Variants in ELAC2 observed in about 807,000 individuals in gnomAD.
The protein encoded by ELAC2 is elaC ribonuclease Z 2.
In ELAC2, 92 loss-of-function variants were observed where a neutral mutation model predicts 105.2. The ratio of observed to expected loss-of-function variants is 0.87; its 90% CI spans 0.74 to 1.04. The LOEUF (loss-of-function observed/expected upper bound fraction) is 1.04. ELAC2 is among the 50% of genes least tolerant of loss of function. The probability of loss-of-function intolerance (pLI) is 0.00; values close to 1 mark genes in which losing one functional copy is unlikely to be tolerated. For synonymous variants in ELAC2, 468 were observed against 409.1 expected (o/e 1.14, Z -1.74); for missense variants, 1,099 against 1,071.7 (o/e 1.03, Z -0.36).
At position 12,995,972 on chromosome 17, in the gene ELAC2, G is replaced by C. The variant is rs2040449069; in HGVS notation, c.1666C>G (p.Pro556Ala). ...CGTTCTCTCTGCAGCAAGATACTTG[G>C]CAAGCCCTGGCAAGGAAACAGGAGA... ...HLHADHHTGL[P>A]SILLQRERAL... The change falls in exon 18 of 24, where the codon CCA becomes GCA. Residue 556 changes from proline (P) to alanine (A), a missense_variant. By Grantham distance (27) the Pro-to-Ala change is conservative. Transcript: ENST00000338034. 6 of 1,594,374 alleles carry C rather than the reference G, an allele frequency of 3.8e-6. No individual in the cohort carries two copies. The highest frequency in any genetic ancestry group is 5.1e-6 in the Non-Finnish European group (6 of 1,169,018).
At chr17:13,000,062 G>A in intron 15 of ELAC2, 94 bp downstream of exon 15, 1 of 1,153,598 alleles carries the variant, frequency 8.7e-7, no homozygotes, top group Non-Finnish European at 1.3e-6. Flanking sequence ...AGCCAGGTTA[G>A]AATGCGCCCC....
chr17:13,000,352 A>G, intron 14 of ELAC2, 78 bp from the exon 15 acceptor site: 1 of 1,315,628 alleles, frequency 7.6e-7, no homozygotes, highest in South Asian at 1.2e-5. Flanking sequence ...GATGTCCAGA[A>G]TAAATTCAGG....
intron 11 of ELAC2, 89 bp from the exon 12 acceptor site, chr17:13,003,663 G>T: frequency 8.7e-7 from 1 of 1,143,850 alleles, no homozygotes; most frequent in Non-Finnish European, 1.3e-6. Flanking sequence ...GTATCGTGCG[G>T]CCCTCTGCAG....
intron 14 of ELAC2, 150 bp from the exon 15 acceptor site, chr17:13,000,424 G>A: frequency 1.3e-6 from 1 of 765,010 alleles, no homozygotes; most frequent in South Asian, 1.5e-5. Context: ...AGGATCTGGG[G>A]CAGGTCTGCT....
intron 23 of ELAC2, 74 bp from the exon 24 acceptor site, chr17:12,993,119 A>G: frequency 1.4e-6 from 2 of 1,456,392 alleles, no homozygotes; most frequent in Non-Finnish European, 1.9e-6. Flanking sequence ...GAAGGGATGC[A>G]GTCATGTGCT....
intron 11 of ELAC2, chr17:13,004,103 T>G (rs1317697353): frequency 5.8e-6 from 1 of 173,368 alleles, no homozygotes; most frequent in East Asian, 1.6e-4. Flanking sequence ...TCCAGTTCCC[T>G]TTAAAAAGAA....
chr17:13,001,675 G>A (rs73981616), intron 14 of ELAC2, among the ~76,000 whole-genome samples: 27,475 of 151,962 alleles, frequency 0.18, 2,530 homozygotes, highest in African/African-American at 0.2. Context: ...ATTTAGGAAT[G>A]ACTTGAAGGG....
chr17:13,005,966 C>G lies in ELAC2; in HGVS notation c.752G>C (p.Arg251Thr). Residue 251 changes from arginine (R) to threonine (T), a missense_variant, in exon 9 of 24, where the codon AGA (arginine) becomes ACA (threonine). By Grantham distance (71) the Arg-to-Thr change is moderately conservative. Coordinates refer to ENST00000338034, the MANE Select transcript of ELAC2 (RefSeq NM_018127.7). The stretch of plus-strand genomic sequence containing the variant: ...TGCTTTGAGCACCAAGAAGTTTCCT[C>G]TCTTTAAGTGAAGCTGCAACAAAGA... ...VAFICKLHLK[R>T]GNFLVLKAKE... The G allele has an allele frequency of 6.2e-7, 1 of 1,614,186 alleles. No individual in the cohort carries two copies.
chr17:13,005,093 A>T lies in ELAC2; in HGVS notation c.879T>A (p.Ala293=). The part of the protein sequence containing the change: ...SITHEGREIL[A]EELCTPPDPG... ...GATCTGGAGGAGTACACAGCTCTTC[A>T]GCCAAAATCTGCAAAACCAAATAAG... Residue 293 remains alanine (A), a synonymous_variant, in exon 11 of 24, where the codon GCT becomes GCA. Transcript: ENST00000338034. The T allele has an allele frequency of 6.2e-7, 1 of 1,614,080 alleles. No homozygotes were observed. Among genetic ancestry groups the T allele is most frequent in the Non-Finnish European group, 8.5e-7 (1 of 1,179,914 alleles).
Position 13,016,903 on chromosome 17 carries a change from AAT to A in ELAC2, c.324_325del (p.Phe109ProfsTer8). The A allele has an allele frequency of 6.2e-7, 1 of 1,614,204 alleles. No individual in the cohort carries two copies. The highest frequency in any genetic ancestry group is 1.7e-5 in the Admixed American group (1 of 60,020). ...ATTAGACCAGTGCATTCGTGTCAGG[AAT>A]ATGTTGTCCAGGCGAGCAACCTTTA... On this transcript the variant is annotated frameshift_variant, in exon 3 of 24. Transcript: ENST00000338034. LOFTEE classifies it high-confidence loss of function.
intron 1 of ELAC2, 69 bp downstream of exon 1, chr17:13,017,634 G>A: frequency 1.2e-6 from 2 of 1,609,096 alleles, no homozygotes; most frequent in Non-Finnish European, 1.7e-6. Flanking sequence ...GCCCTGGGAG[G>A]TGCCCCGATG....
At position 12,996,677 on chromosome 17, in the gene ELAC2, G is replaced by A. The variant is rs771157455; in HGVS notation, c.1529C>T (p.Thr510Met). Residue 510 changes from threonine to methionine, a missense_variant, in exon 17 of 24, where the codon ACG becomes ATG. Physicochemically the swap from Thr to Met is moderately conservative, Grantham distance 81. Transcript: ENST00000338034. ...CTCACCACAGTCCAGTAGCAGAGAC[G>A]TGTCGGGGCTGCAGAAGAGAAGAGG... The part of the protein sequence containing the change: ...SATLVNISPD[T>M]SLLLDCGEGT... The A allele has an allele frequency of 7.4e-6, 12 of 1,613,578 alleles. No homozygotes were observed. The highest frequency in any genetic ancestry group is 4.5e-5 in the East Asian group (2 of 44,862).
chr17:13,012,434 C>G (rs1016091997), intron 6 of ELAC2, among the ~76,000 whole-genome samples: 2 of 152,180 alleles, frequency 1.3e-5, no homozygotes, highest in African/African-American at 4.8e-5. Flanking sequence ...GAGGAGCAAG[C>G]CAGGCAATGG....
rs753095520 is a variant in ELAC2 at position 12,992,132 on chromosome 17, T to TTGA, written c.*683_*685dup. ...GCCAGGCTCTCACTGATTGATTTGA[T>TTGA]TGATTGATTGATTGATTGATAGAGA... is the stretch of plus-strand genomic sequence containing the variant. On this transcript the variant is annotated 3_prime_UTR_variant, in exon 24 of 24. Transcript: ENST00000338034. Among the ~76,000 whole-genome samples the TTGA allele has an allele frequency of 2.8e-3, 259 of 92,352 alleles. 1 individual carries two copies. Among genetic ancestry groups the TTGA allele is most frequent in the Non-Finnish European group, 4.7e-3 (164 of 35,142 alleles). 60.6% of individuals were successfully genotyped at this position (92,352 alleles called of 152,430 possible). A position where few individuals can be genotyped will look rare whatever the true frequency, so the allele number is the denominator to read the frequency against.
intron 16 of ELAC2, among the ~76,000 whole-genome samples, chr17:12,997,110 T>A (rs766455064): frequency 2.6e-5 from 4 of 152,150 alleles, no homozygotes; most frequent in Non-Finnish European, 4.4e-5. Flanking sequence ...TTTCCCCCTT[T>A]GCAAGTGGTC....
intron 14 of ELAC2, among the ~76,000 whole-genome samples, chr17:13,001,185 C>T (rs1452173158): frequency 1.3e-5 from 2 of 152,158 alleles, no homozygotes; most frequent in Non-Finnish European, 2.9e-5. Context: ...AACTTAAAAT[C>T]AAGGTTCAGA....
At chr17:13,016,503 G>C (rs1342011269) in intron 3 of ELAC2, among the ~76,000 whole-genome samples, 1 of 152,058 alleles carries the variant, frequency 6.6e-6, no homozygotes, top group Non-Finnish European at 1.5e-5. Flanking sequence ...AAGAATTCCA[G>C]GCCAGGTGCG....
intron 4 of ELAC2, 99 bp downstream of exon 4, chr17:13,015,669 T>G: frequency 1.0e-6 from 1 of 980,400 alleles, no homozygotes; most frequent in Non-Finnish European, 1.6e-6. Context: ...ACCAGGTATC[T>G]CTGGAGGGCA....
At chr17:13,005,192 T>C in intron 10 of ELAC2, 91 bp from the exon 11 acceptor site, 1 of 891,318 alleles carries the variant, frequency 1.1e-6, no homozygotes, top group Admixed American at 1.7e-5. Flanking sequence ...TGACATATCC[T>C]ATCCAGTGAG....
Sources: gnomAD v4.1 joint callset for allele counts (sites outside exome capture counted in the v4.1 genomes callset) on GRCh38, gnomAD v4.1.1 for gene constraint, MANE v1.5 for transcripts, NCBI Gene and HGNC (gene_info 2026-07-23, HGNC 2026-07-21) for gene names.